The following NNT variants were observed in gnomAD, a reference collection of about 807,000 sequenced individuals.
NNT encodes the protein NAD(P) transhydrogenase, mitochondrial.
NNT carries 50 observed loss-of-function variants against 104.8 expected under a neutral mutation model. The ratio of observed to expected loss-of-function variants is 0.48; its 90% CI spans 0.38 to 0.60. NNT has a LOEUF of 0.60. NNT is among the 20% of genes least tolerant of loss of function. NNT has a pLI of 0.00. For synonymous variants in NNT, 461 were observed against 490.4 expected, an observed-to-expected ratio of 0.94 and a Z score of 0.79; for missense variants, 1,131 against 1,330.7, an observed-to-expected ratio of 0.85 and a Z score of 2.33.
At chr5:43,628,160 C>A (rs754526914) in intron 6 of NNT, 40 bp from the exon 7 acceptor site, 5 of 1,434,948 alleles carry the variant, frequency 3.5e-6, no homozygotes, top group Non-Finnish European at 4.6e-6. Flanking sequence ...TTTATTAGGG[C>A]CTGAAATAAC....
chr5:43,631,443 A>G (rs530346249), intron 7 of NNT, among the ~76,000 whole-genome samples: 1 of 152,264 alleles, frequency 6.6e-6, no homozygotes, highest in East Asian at 1.9e-4. Flanking sequence ...TGCTGCAGCC[A>G]CCATCTGACC....
chr5:43,647,286 G>A (rs565047950), intron 10 of NNT, among the ~76,000 whole-genome samples: 2 of 152,222 alleles, frequency 1.3e-5, no homozygotes, highest in South Asian at 4.1e-4. Flanking sequence ...AAAGAAATGA[G>A]GTTATTGTGT....
At chr5:43,648,004 C>T (rs530755282) in intron 10 of NNT, 2 of 859,530 alleles carry the variant, frequency 2.3e-6, no homozygotes, top group African/African-American at 1.7e-5. Context: ...TGAGATGACA[C>T]AGCTAGGGAG....
chr5:43,644,247 T>C lies in NNT; in HGVS notation c.1020T>C (p.Gly340=), dbSNP rs575790715. 3.1e-6 allele frequency: 5 copies of C among 1,613,440 alleles called. No homozygotes were observed. Among genetic ancestry groups the C allele is most frequent in the African/African-American group, 1.3e-5 (1 of 74,992 alleles). ...AAATGATTGAGTCAATGAAGGAAGG[T>C]TCAGTTGTTGTGGATTTAGCTGCTG... ...NKEMIESMKE[G]SVVVDLAAEA... is the part of the protein sequence containing the mutation. Residue 340 remains glycine, a synonymous_variant, in exon 8 of 22, where the codon GGT becomes GGC. Transcript: ENST00000344920.
intron 19 of NNT, among the ~76,000 whole-genome samples, chr5:43,678,812 A>C (rs1433879608): frequency 6.6e-6 from 1 of 152,218 alleles, no homozygotes; most frequent in Non-Finnish European, 1.5e-5. Context: ...TGATGAAATC[A>C]GGGGGCTACC....
chr5:43,665,628 A>G (rs940925791), intron 17 of NNT, among the ~76,000 whole-genome samples: 2 of 152,178 alleles, frequency 1.3e-5, no homozygotes, highest in Admixed American at 6.5e-5. Flanking sequence ...TCCTATGTCT[A>G]CTTCTTCCTA....
chr5:43,694,500 A>G (rs1456419007), intron 19 of NNT, among the ~76,000 whole-genome samples: 2 of 152,160 alleles, frequency 1.3e-5, no homozygotes, highest in Non-Finnish European at 2.9e-5. Flanking sequence ...GGGATATTGA[A>G]TTTTATTGAA....
chr5:43,652,433 G>A (rs1739814944), intron 13 of NNT, among the ~76,000 whole-genome samples: 2 of 151,988 alleles, frequency 1.3e-5, no homozygotes, highest in Admixed American at 1.3e-4. Context: ...CAGACCTTCA[G>A]CTTTGTTCTG....
intron 19 of NNT, among the ~76,000 whole-genome samples, chr5:43,686,996 A>G (rs1742022940): frequency 6.6e-6 from 1 of 152,184 alleles, no homozygotes; most frequent in African/African-American, 2.4e-5. Flanking sequence ...AGACATAGAT[A>G]GTGTATAAAT....
chr5:43,614,238 A>G (rs1749656886), intron 3 of NNT, among the ~76,000 whole-genome samples: 1 of 152,236 alleles, frequency 6.6e-6, no homozygotes, highest in African/African-American at 2.4e-5. Flanking sequence ...TTCACAATGT[A>G]TATAAGCAGT....
Position 43,644,422 on chromosome 5 carries a change from G to C in NNT, c.1098+97G>C. The stretch of plus-strand genomic sequence containing the variant: ...TAAATATTTAGAGACATTAAGGCTT[G>C]AAATTTTAAAATTAAAAATAGGCAT... On this transcript the variant is annotated intron_variant, in intron 8 of 21. Transcript: ENST00000344920. 4 of 1,466,096 alleles carry C rather than the reference G, an allele frequency of 2.7e-6. No homozygotes were observed. In the South Asian group the frequency reaches 5.1e-5, roughly 19 times the overall value. 90.8% of individuals were successfully genotyped at this position (1,466,096 alleles called of 1,614,324 possible). A position where few individuals can be genotyped will look rare whatever the true frequency, so the allele number is the denominator to read the frequency against.
rs1171627324 is a variant in NNT at position 43,704,776 on chromosome 5, T to C, written c.*372T>C. ...TAGGATTTCAAGACAACATTATACA[T>C]GGCTCTGAAATATCTGACACAATGT... On this transcript the variant is annotated 3_prime_UTR_variant, in exon 22 of 22. Transcript: ENST00000344920. The C allele has an allele frequency of 6.0e-5, 11 of 183,844 alleles. No homozygotes were observed. The highest frequency in any genetic ancestry group is 1.3e-4 in the Non-Finnish European group (11 of 87,596). The allele number at this position is 183,844 out of a possible 1,614,324, so 11.4% of individuals were successfully genotyped here. A position where few individuals can be genotyped will look rare whatever the true frequency, so the allele number is the denominator to read the frequency against.
At position 43,623,127 on chromosome 5, in the gene NNT, C is replaced by T. The variant is rs79006865; in HGVS notation, c.688-905C>T. On this transcript the variant is annotated intron_variant, in intron 5 of 21. Transcript: ENST00000344920. ...CATTATCAAGATCAATTCACATGAC[C>T]TCTGAGACACTGCCCAGAGCTCACT... Among the ~76,000 whole-genome samples, 590 of 152,152 alleles carry T rather than the reference C, an allele frequency of 3.9e-3. 11 individuals are homozygous for T. Among genetic ancestry groups the T allele is most frequent in the African/African-American group, 0.014 (563 of 41,492 alleles).
rs567572862 is a variant in NNT, at chr5:43,672,289, A to G, written c.2635-3222A>G. 4.5e-4 allele frequency among the ~76,000 whole-genome samples: 69 copies of G among 152,306 alleles called. No homozygotes were observed. The East Asian group carries it at 0.012, about 26-fold the overall frequency. Reference sequence around the variant, plus strand: ...GAAGCCTTCTTCTCTCAACTTGTCAAAGTCATTCTCCATCCAGCTTTGTTC... The same window carrying G: ...GAAGCCTTCTTCTCTCAACTTGTCAGAGTCATTCTCCATCCAGCTTTGTTC... On this transcript the variant is annotated intron_variant, in intron 17 of 21. Coordinates refer to ENST00000344920, the MANE Select transcript of NNT (RefSeq NM_182977.3).
intron 17 of NNT, among the ~76,000 whole-genome samples, chr5:43,668,961 A>T (rs1284342236): frequency 1.3e-5 from 2 of 152,154 alleles, no homozygotes; most frequent in African/African-American, 4.8e-5. Flanking sequence ...TTCGTTGAGC[A>T]CTGGTTTGTA....
At chr5:43,628,464 G>C in intron 7 of NNT, 77 bp downstream of exon 7, 1 of 1,121,794 alleles carries the variant, frequency 8.9e-7, no homozygotes, top group South Asian at 1.9e-5. Context: ...GTGAATGATT[G>C]CTTAACATTT....
intron 17 of NNT, among the ~76,000 whole-genome samples, chr5:43,670,825 T>C (rs552030233): frequency 6.6e-6 from 1 of 152,188 alleles, no homozygotes; most frequent in Non-Finnish European, 1.5e-5. Flanking sequence ...CGCGTTAAAC[T>C]CCTGGATATC....
chr5:43,617,366 T>G (rs565299359), intron 4 of NNT, among the ~76,000 whole-genome samples: 1 of 152,358 alleles, frequency 6.6e-6, no homozygotes, highest in African/African-American at 2.4e-5. Flanking sequence ...GCAGAAACAT[T>G]CCTACTCTCC....
chr5:43,604,848 T>A (rs1749121135), intron 1 of NNT, among the ~76,000 whole-genome samples: 1 of 152,128 alleles, frequency 6.6e-6, no homozygotes, highest in African/African-American at 2.4e-5. Context: ...ATTAATTTTT[T>A]TTTTTTAGCA....
Sources: gnomAD v4.1 joint callset for allele counts (sites outside exome capture counted in the v4.1 genomes callset) on GRCh38, gnomAD v4.1.1 for gene constraint, MANE v1.5 for transcripts, NCBI Gene and HGNC (gene_info 2026-07-23, HGNC 2026-07-21) for gene names.